KCNIP3: variants seen among roughly 807,000 people sequenced by gnomAD.
KCNIP3 encodes the protein calsenilin.
In KCNIP3, 28 loss-of-function variants were observed where a neutral mutation model predicts 35.0. The observed-to-expected ratio is 0.80, with a 90% CI of 0.59 to 1.10. The LOEUF is 1.10. Among genes scored for constraint, KCNIP3 ranks in the 50% least tolerant of loss-of-function variants. The probability of loss-of-function intolerance (pLI) is 0.00; values close to 1 mark genes in which losing one functional copy is unlikely to be tolerated. For synonymous variants in KCNIP3, 134 were observed against 133.8 expected, an observed-to-expected ratio of 1.00 and a Z score of -0.01; for missense variants, 295 against 338.4, an observed-to-expected ratio of 0.87 and a Z score of 1.01.
At chr2:95,379,429 A>T (rs1420637061) in intron 5 of KCNIP3, among the ~76,000 whole-genome samples, 1 of 151,018 alleles carries the variant, frequency 6.6e-6, no homozygotes, top group Non-Finnish European at 1.5e-5. Flanking sequence ...AGGCCCCCCC[A>T]CCAGCCTCCC....
chr2:95,340,086 A>G (rs1442656846), intron 2 of KCNIP3, among the ~76,000 whole-genome samples: 7 of 152,178 alleles, frequency 4.6e-5, no homozygotes, highest in Non-Finnish European at 1.0e-4. Context: ...GCCTGTAATC[A>G]CAGCACTTTG....
intron 1 of KCNIP3, among the ~76,000 whole-genome samples, chr2:95,297,987 G>C (rs982912609): frequency 5.3e-5 from 8 of 152,214 alleles, no homozygotes; most frequent in African/African-American, 1.9e-4. Context: ...AAAGGGCTAG[G>C]AGCCCCTAAC....
At chr2:95,366,397 A>G (rs746049941) in intron 2 of KCNIP3, among the ~76,000 whole-genome samples, 1 of 152,082 alleles carries the variant, frequency 6.6e-6, no homozygotes, top group Non-Finnish European at 1.5e-5. Flanking sequence ...GTTGCTGAGT[A>G]TCTTTCCTTG....
Position 95,384,313 on chromosome 2 carries a change from A to T in KCNIP3, c.*264A>T, listed in dbSNP as rs1230649457. 1.9e-6 allele frequency: 1 copy of T among 529,272 alleles called. No homozygotes were observed. The highest frequency in any genetic ancestry group is 3.4e-6 in the Non-Finnish European group (1 of 294,670). 32.8% of individuals were successfully genotyped at this position (529,272 alleles called of 1,614,324 possible). ...CAGCCCTTCCCAGGCCAGCGAGGCG[A>T]GGCTGCCTCTGGGTGAGTGGCTGAC... On this transcript the variant is annotated 3_prime_UTR_variant, in exon 9 of 9. Transcript: ENST00000295225.
chr2:95,346,535 A>C (rs1679370279), intron 2 of KCNIP3, among the ~76,000 whole-genome samples: 1 of 146,628 alleles, frequency 6.8e-6, no homozygotes, highest in Non-Finnish European at 1.5e-5. Context: ...CGCCTAGGCC[A>C]ATGAGCGCGC....
intron 2 of KCNIP3, among the ~76,000 whole-genome samples, chr2:95,361,390 G>A (rs1558774293): frequency 6.6e-6 from 1 of 151,966 alleles, no homozygotes; most frequent in South Asian, 2.1e-4. Flanking sequence ...TTCTCTTCAC[G>A]TCACTGTGAC....
intron 2 of KCNIP3, among the ~76,000 whole-genome samples, chr2:95,319,913 T>C (rs1481669289): frequency 6.6e-6 from 1 of 152,140 alleles, no homozygotes; most frequent in African/African-American, 2.4e-5. Flanking sequence ...AAGGTGGCCG[T>C]TGAGCCCCAT....
intron 5 of KCNIP3, among the ~76,000 whole-genome samples, chr2:95,380,061 G>A (rs1461315976): frequency 6.6e-6 from 1 of 152,118 alleles, no homozygotes; most frequent in Non-Finnish European, 1.5e-5. Flanking sequence ...TGGCCCCTCT[G>A]GAGTGCAACT....
At chr2:95,342,511 C>T (rs963335500) in intron 2 of KCNIP3, among the ~76,000 whole-genome samples, 12 of 152,248 alleles carry the variant, frequency 7.9e-5, no homozygotes, top group Admixed American at 7.2e-4. Flanking sequence ...ACTCAACTCA[C>T]ATTGGCTTAA....
At chr2:95,381,793 C>T in intron 6 of KCNIP3, 90 bp downstream of exon 6, 1 of 895,360 alleles carries the variant, frequency 1.1e-6, no homozygotes, top group South Asian at 1.5e-5. Context: ...GCTCCTGCTG[C>T]CCACCTGTCT....
chr2:95,347,165 C>T, intron 2 of KCNIP3: 1 of 1,516,554 alleles, frequency 6.6e-7, no homozygotes, highest in Non-Finnish European at 9.0e-7. Flanking sequence ...CCGCCGCAGA[C>T]CAGTGGTCTG....
chr2:95,349,088 C>T (rs1432664759), intron 2 of KCNIP3, among the ~76,000 whole-genome samples: 5 of 141,914 alleles, frequency 3.5e-5, no homozygotes, highest in East Asian at 2.1e-4. Flanking sequence ...CACTCAGACA[C>T]CCCCCCCCGC....
chr2:95,346,274 G>A (rs1326104847), intron 2 of KCNIP3, among the ~76,000 whole-genome samples: 3 of 151,286 alleles, frequency 2.0e-5, no homozygotes, highest in Non-Finnish European at 3.0e-5. Flanking sequence ...CGGGATCAGC[G>A]CCTCCCCGGG....
intron 2 of KCNIP3, among the ~76,000 whole-genome samples, chr2:95,369,592 T>C (rs1679994185): frequency 6.6e-6 from 1 of 152,208 alleles, no homozygotes; most frequent in South Asian, 2.1e-4. Flanking sequence ...TTCCTGATGT[T>C]GGTAGCTTAT....
At chr2:95,310,634 C>T in intron 2 of KCNIP3, 114 bp downstream of exon 2, 1 of 1,148,770 alleles carries the variant, frequency 8.7e-7, no homozygotes, top group Non-Finnish European at 1.3e-6. Context: ...GCTACATCGC[C>T]CCTGTCTCTA....
chr2:95,325,713 T>C (rs1185517720), intron 2 of KCNIP3, among the ~76,000 whole-genome samples: 1 of 126,866 alleles, frequency 7.9e-6, no homozygotes, highest in Non-Finnish European at 1.7e-5. Flanking sequence ...ATACACACAG[T>C]CATACACTTA....
intron 2 of KCNIP3, chr2:95,347,043 G>T (rs767750405): frequency 6.2e-7 from 1 of 1,611,188 alleles, no homozygotes; most frequent in South Asian, 1.1e-5. Context: ...GCATGGAGCT[G>T]TGCGCCATGG....
intron 1 of KCNIP3, among the ~76,000 whole-genome samples, chr2:95,301,137 T>C (rs1678016783): frequency 6.6e-6 from 1 of 152,186 alleles, no homozygotes; most frequent in Non-Finnish European, 1.5e-5. Flanking sequence ...AGAACCAAAC[T>C]GTAGCCCCAC....
intron 1 of KCNIP3, among the ~76,000 whole-genome samples, chr2:95,307,289 A>G (rs1678201742): frequency 6.6e-6 from 1 of 152,194 alleles, no homozygotes; most frequent in Non-Finnish European, 1.5e-5. Flanking sequence ...TATTTTTGGA[A>G]GGCTGCTGAT....
Sources: allele counts gnomAD v4.1 joint callset (sites outside exome capture counted in the v4.1 genomes callset), GRCh38; gene constraint gnomAD v4.1.1; transcripts MANE v1.5; gene names NCBI Gene and HGNC (gene_info 2026-07-23, HGNC 2026-07-21).